Variants in SAMMSON observed in about 807,000 individuals in gnomAD.
SAMMSON encodes survival associated mitochondrial melanoma specific oncogenic non-coding RNA, also known as long intergenic non-protein coding RNA 1212.
At chr3:70,205,843 T>C (rs1701285554) in intron 4 of SAMMSON, 1 of 152,134 alleles carries the variant, frequency 6.6e-6, no homozygotes, top group Non-Finnish European at 1.5e-5. Flanking sequence ...CTAATGTAGA[T>C]ACTGAACACT....
At chr3:70,135,561 A>G (rs1331388326) in intron 4 of SAMMSON, among the ~76,000 whole-genome samples, 1 of 152,218 alleles carries the variant, frequency 6.6e-6, no homozygotes, top group African/African-American at 2.4e-5. Context: ...TTTTCTCATT[A>G]AAGTGATTGA....
Position 70,078,713 on chromosome 3 carries a change from C to T in SAMMSON, n.507+7148C>T, listed in dbSNP as rs367702436. ...CCTGCAAATCTGGTTCAGATGACTC[C>T]GTAACAGGGCCAGGCCCAGAGTAAA... On this transcript the variant is annotated intron_variant and non_coding_transcript_variant, in intron 4 of 9. Coordinates refer to ENST00000642114, the Ensembl canonical transcript of SAMMSON. Among the ~76,000 whole-genome samples, 16 of 152,192 alleles carry T rather than the reference C, an allele frequency of 1.1e-4. No homozygotes were observed. The East Asian group carries it at 1.4e-3, about 13-fold the overall frequency.
intron 7 of SAMMSON, among the ~76,000 whole-genome samples, chr3:70,297,025 A>G (rs1487228771): frequency 6.6e-6 from 1 of 151,918 alleles, no homozygotes; most frequent in African/African-American, 2.4e-5. Context: ...CGCACATACT[A>G]TGGCTTAACC....
intron 4 of SAMMSON, among the ~76,000 whole-genome samples, chr3:70,150,609 C>A (rs1230160250): frequency 1.3e-5 from 2 of 151,948 alleles, no homozygotes; most frequent in Non-Finnish European, 2.9e-5. Flanking sequence ...TAGCAGGATT[C>A]ATTCCATTAT....
At chr3:70,051,355 G>A (rs1265626417) in intron 3 of SAMMSON, among the ~76,000 whole-genome samples, 2 of 149,368 alleles carry the variant, frequency 1.3e-5, no homozygotes, top group African/African-American at 2.5e-5. Context: ...CAGGGAAGAT[G>A]TTCAGAGTAG....
At chr3:70,278,871 T>G (rs1363393067) in intron 6 of SAMMSON, among the ~76,000 whole-genome samples, 1 of 151,808 alleles carries the variant, frequency 6.6e-6, no homozygotes, top group Admixed American at 6.6e-5. Context: ...TAAAAACAAA[T>G]GAAATAACAA....
chr3:70,368,977 T>G (rs932227756), intron 9 of SAMMSON, among the ~76,000 whole-genome samples: 2 of 151,714 alleles, frequency 1.3e-5, no homozygotes, highest in African/African-American at 4.8e-5. Context: ...AGTCTTCCAA[T>G]CCATGAACAC....
At chr3:70,390,055 A>C (rs1424794251), downstream of SAMMSON, among the ~76,000 whole-genome samples, 3 of 152,128 alleles carry the variant, frequency 2.0e-5, no homozygotes, top group Non-Finnish European at 4.4e-5. Context: ...ATGCTGTAAT[A>C]CACTTCTGAA....
chr3:70,221,459 G>A (rs1199466812), intron 4 of SAMMSON, among the ~76,000 whole-genome samples: 2 of 152,040 alleles, frequency 1.3e-5, no homozygotes, highest in Non-Finnish European at 2.9e-5. Context: ...TTGAATTTGG[G>A]CATTTGGATT....
At chr3:70,116,292 C>CTTTTTT (rs57252778) in intron 4 of SAMMSON, among the ~76,000 whole-genome samples, 13,402 of 117,334 alleles carry the variant, frequency 0.11, 781 homozygotes, top group South Asian at 0.17. Context: ...GCGATGCTTT[C>CTTTTTT]TTTTTTTTTT....
intron 7 of SAMMSON, among the ~76,000 whole-genome samples, chr3:70,305,394 G>A (rs1469860594): frequency 1.3e-5 from 2 of 152,108 alleles, no homozygotes; most frequent in Non-Finnish European, 2.9e-5. Flanking sequence ...AGAGTCTCAA[G>A]ATATGCTATT....
At chr3:70,251,442 G>A (rs1701767247) in intron 6 of SAMMSON, among the ~76,000 whole-genome samples, 1 of 152,038 alleles carries the variant, frequency 6.6e-6, no homozygotes, top group South Asian at 2.1e-4. Context: ...TCTGTCTACT[G>A]GCATAATAGT....
chr3:70,424,861 T>C (rs1271297534), intron 2 of SAMMSON: 1 of 152,156 alleles, frequency 6.6e-6, no homozygotes, highest in Non-Finnish European at 1.5e-5. Flanking sequence ...TCTCCAGTTG[T>C]GACAACTGCA....
intron 4 of SAMMSON, among the ~76,000 whole-genome samples, chr3:70,189,814 A>T (rs1284449505): frequency 6.6e-6 from 1 of 152,140 alleles, no homozygotes; most frequent in African/African-American, 2.4e-5. Context: ...CACCGTAGGC[A>T]CATTAGATTT....
intron 4 of SAMMSON, among the ~76,000 whole-genome samples, chr3:70,132,165 C>A (rs1427123700): frequency 6.6e-6 from 1 of 152,064 alleles, no homozygotes; most frequent in African/African-American, 2.4e-5. Context: ...AAGACTGGGT[C>A]CTCCACTGAT....
intron 7 of SAMMSON, among the ~76,000 whole-genome samples, chr3:70,319,702 T>G (rs1411226075): frequency 6.6e-6 from 1 of 152,088 alleles, no homozygotes; most frequent in Non-Finnish European, 1.5e-5. Context: ...ATAAATCATA[T>G]GATAGGTAAG....
chr3:70,270,742 G>A (rs927507533), intron 6 of SAMMSON, among the ~76,000 whole-genome samples: 3 of 152,080 alleles, frequency 2.0e-5, no homozygotes, highest in Non-Finnish European at 4.4e-5. Context: ...GCCAGGACAC[G>A]GTTGAAGCTG....
intron 4 of SAMMSON, among the ~76,000 whole-genome samples, chr3:70,178,083 G>A (rs1017702909): frequency 1.3e-5 from 2 of 152,092 alleles, no homozygotes; most frequent in Non-Finnish European, 2.9e-5. Context: ...TGCTGGCAGG[G>A]CCATCCTAGG....
intron 4 of SAMMSON, among the ~76,000 whole-genome samples, chr3:70,183,186 G>A (rs1238702315): frequency 6.6e-6 from 1 of 152,150 alleles, no homozygotes; most frequent in African/African-American, 2.4e-5. Context: ...TTTCAGCAGA[G>A]GAAACTGAGG....
Sources: gnomAD v4.1 joint callset for allele counts (sites outside exome capture counted in the v4.1 genomes callset) on GRCh38, gnomAD v4.1.1 for gene constraint, MANE v1.5 for transcripts, NCBI Gene and HGNC (gene_info 2026-07-23, HGNC 2026-07-21) for gene names.